GMPPB: variants seen among roughly 807,000 people sequenced by gnomAD.
GMPPB encodes mannose-1-phosphate guanylyltransferase catalytic subunit beta.
Under a neutral mutation model 40.3 loss-of-function variants are expected in GMPPB, and 38 were observed. That is an observed-to-expected ratio of 0.94 (90% CI 0.73 to 1.24). GMPPB has a LOEUF of 1.24. GMPPB is among the 50% of genes most tolerant of loss of function. The pLI is 0.00. For missense variants in GMPPB, 436 were observed against 487.1 expected, an observed-to-expected ratio of 0.90 and a Z score of 0.99; for synonymous variants, 193 against 191.8, an observed-to-expected ratio of 1.01 and a Z score of -0.05.
rs746616705 is a variant in GMPPB, at chr3:49,721,785, G to T, written c.1050C>A (p.Gly350=). 4.3e-6 allele frequency: 7 copies of T among 1,609,852 alleles called. No homozygotes were observed. Among genetic ancestry groups the T allele is most frequent in the East Asian group, 4.5e-5 (2 of 44,890 alleles). The change falls in exon 9 of 9, where the codon GGC becomes GGA. Residue 350 remains glycine (G), a synonymous_variant. Coordinates refer to ENST00000308388, the MANE Select transcript of GMPPB (RefSeq NM_021971.4). The part of the protein sequence containing the change: ...GASVLPHKSI[G]ESVPEPRIIM Reference sequence around the variant, plus strand: ...TGATACGAGGCTCTGGCACTGACTCGCCAATAGACTTGTGGGGCAGCACGC... The same window carrying T: ...TGATACGAGGCTCTGGCACTGACTCTCCAATAGACTTGTGGGGCAGCACGC...
chr3:49,721,236 A>G lies in GMPPB; in HGVS notation c.*516T>C. 6.2e-7 allele frequency: 1 copy of G among 1,614,178 alleles called. No homozygotes were observed. The highest frequency in any genetic ancestry group is 8.5e-7 in the Non-Finnish European group (1 of 1,180,026). ...ACAACAAGGACTGCTTCTTCTGCAAAACCACCATCGTGTCTGTAGAGGACT... is the reference window on the plus strand; with the variant it reads ...ACAACAAGGACTGCTTCTTCTGCAAGACCACCATCGTGTCTGTAGAGGACT... On this transcript the variant is annotated 3_prime_UTR_variant, in exon 9 of 9. Transcript: ENST00000308388.
At position 49,721,428 on chromosome 3, in the gene GMPPB, T is replaced by G; in HGVS notation, c.*324A>C. 1 of 1,321,250 alleles carries G rather than the reference T, an allele frequency of 7.6e-7. No homozygotes were observed. Among genetic ancestry groups the G allele is most frequent in the Non-Finnish European group, 1.1e-6 (1 of 915,332 alleles). The allele number at this position is 1,321,250 out of a possible 1,614,324, so 81.8% of individuals were successfully genotyped here. A position where few individuals can be genotyped will look rare whatever the true frequency, so the allele number is the denominator to read the frequency against. ...CACCACCACATCCAACCTCCTTGCC[T>G]GCCTGTATCCTCATTGGTGGGAGCC... On this transcript the variant is annotated 3_prime_UTR_variant, in exon 9 of 9. Transcript: ENST00000308388.
Position 49,723,730 on chromosome 3 carries a change from G to C in GMPPB, c.-4C>G. On this transcript the variant is annotated 5_prime_UTR_variant, in exon 1 of 9. Coordinates refer to ENST00000308388, the MANE Select transcript of GMPPB (RefSeq NM_021971.4). ...CCACTAAGATCAGTGCCTTCATCGC[G>C]CCTGCGGACGTTGAGGGGGTGTCCC... 1 of 1,583,006 alleles carries C rather than the reference G, an allele frequency of 6.3e-7. No individual in the cohort carries two copies. The highest frequency in any genetic ancestry group is 1.1e-5 in the South Asian group (1 of 87,078).
In GMPPB at chr3:49,722,162, A is replaced by G; in HGVS notation, c.769-15T>C. 1 of 1,607,196 alleles carries G rather than the reference A, an allele frequency of 6.2e-7. No individual in the cohort carries two copies. Among genetic ancestry groups the G allele is most frequent in the Non-Finnish European group, 8.5e-7 (1 of 1,175,356 alleles). ...GCACTTGGGTCCTGAGAGCGGTGGG[A>G]AAAATACAAGTGGGCCACTTGTCTC... is the stretch of plus-strand genomic sequence containing the variant. On this transcript the variant is annotated splice_polypyrimidine_tract_variant and intron_variant, in intron 7 of 8. Transcript: ENST00000308388.
Position 49,720,319 on chromosome 3 carries a change from A to T in GMPPB, c.*1433T>A. ...CAACAGAGCGAGACTCGTCTCAAGA[A>T]AAAAAAAAAAAAAACAGGCTGTGTG... On this transcript the variant is annotated 3_prime_UTR_variant, in exon 9 of 9. Coordinates refer to ENST00000308388, the MANE Select transcript of GMPPB (RefSeq NM_021971.4). The T allele has an allele frequency of 2.6e-6, 1 of 377,594 alleles. No homozygotes were observed. The highest frequency in any genetic ancestry group is 4.5e-6 in the Non-Finnish European group (1 of 224,480). The allele number at this position is 377,594 out of a possible 1,614,324, so 23.4% of individuals were successfully genotyped here.
In GMPPB at chr3:49,720,847, C is replaced by T. The variant is rs1326824670; in HGVS notation, c.*905G>A. On this transcript the variant is annotated 3_prime_UTR_variant, in exon 9 of 9. Transcript: ENST00000308388. ...TGAGCTGGCCCAAGTGGAACAGATG[C>T]TGGCGCACCTGACCTCTGCATCTGC... is the stretch of plus-strand genomic sequence containing the variant. 2.5e-6 allele frequency: 4 copies of T among 1,614,198 alleles called. No individual in the cohort carries two copies. Among genetic ancestry groups the T allele is most frequent in the Middle Eastern group, 3.3e-4 (2 of 6,062 alleles).
intron 3 of GMPPB, 39 bp downstream of exon 3, chr3:49,723,215 T>C: frequency 6.2e-7 from 1 of 1,613,274 alleles, no homozygotes; most frequent in South Asian, 1.1e-5. Flanking sequence ...TTTCCTGGCC[T>C]TAAACCCTCC....
chr3:49,721,993 A>C lies in GMPPB; in HGVS notation c.923T>G (p.Val308Gly), dbSNP rs750488885. The C allele has an allele frequency of 6.5e-6, 9 of 1,388,420 alleles. No individual in the cohort carries two copies. The South Asian group carries it at 9.1e-5, about 14-fold the overall frequency. The allele number at this position is 1,388,420 out of a possible 1,614,324, so 86.0% of individuals were successfully genotyped here. The change falls in exon 8 of 9, where the codon GTG becomes GGG. Residue 308 changes from valine to glycine, a missense_variant. Physicochemically the swap from Val to Gly is moderately radical, Grantham distance 109. Coordinates refer to ENST00000308388, the MANE Select transcript of GMPPB (RefSeq NM_021971.4). ...RSHSWLESCI[V>G]GWRCRVGQWV... ...CTGACCCACGCGGCAGCGCCAGCCC[A>C]CAATGCAGGACTCAAGCCAGGAATG...
chr3:49,721,139 G>C lies in GMPPB; in HGVS notation c.*613C>G. 1 of 1,614,092 alleles carries C rather than the reference G, an allele frequency of 6.2e-7. No individual in the cohort carries two copies. ...GCCCCACAGCTTGGTGGTGGGGAGA[G>C]CAGTAGGTACATGCAGGGCAGTCCT... On this transcript the variant is annotated 3_prime_UTR_variant, in exon 9 of 9. Coordinates refer to ENST00000308388, the MANE Select transcript of GMPPB (RefSeq NM_021971.4).
Position 49,723,114 on chromosome 3 carries a change from G to C in GMPPB, c.260C>G (p.Ala87Gly). The change falls in exon 4 of 9, where the codon GCT (alanine) becomes GGT (glycine). Residue 87 changes from alanine to glycine, a missense_variant and splice_region_variant. By Grantham distance (60) the Ala-to-Gly change is moderately conservative. Transcript: ENST00000308388. ...GTCACGGGCCAGCGCCAGGGGCCCAGCTGGGGGAAGGGGACAGGTCACCAC... is the reference window on the plus strand; with the variant it reads ...GTCACGGGCCAGCGCCAGGGGCCCACCTGGGGGAAGGGGACAGGTCACCAC... Reference protein sequence around the residue: ...MSHEEEPLGTAGPLALARDLL... With the variant: ...MSHEEEPLGTGGPLALARDLL... The C allele has an allele frequency of 6.2e-7, 1 of 1,613,930 alleles. No individual in the cohort carries two copies. Among genetic ancestry groups the C allele is most frequent in the South Asian group, 1.1e-5 (1 of 91,072 alleles).
rs2080415704 is a variant in GMPPB, at chr3:49,721,861, A to G, written c.974T>C (p.Val325Ala). 4.3e-6 allele frequency: 7 copies of G among 1,613,976 alleles called. No homozygotes were observed. The highest frequency in any genetic ancestry group is 5.9e-6 in the Non-Finnish European group (7 of 1,179,984). The stretch of plus-strand genomic sequence containing the variant: ...ATTAACTATGACGTCCTCACCCAGC[A>G]CTGTCACGTTCTCCATGCGTACCTC... ...GQWVRMENVT[V>A]LGEDVIVNDE... Residue 325 changes from valine to alanine, a missense_variant, in exon 9 of 9, where the codon GTG becomes GCG. Physicochemically the swap from Val to Ala is moderately conservative, Grantham distance 64 (BLOSUM62 0). Coordinates refer to ENST00000308388, the MANE Select transcript of GMPPB (RefSeq NM_021971.4).
rs752053591 is a variant in GMPPB at position 49,723,318 on chromosome 3, C to A, written c.211-16G>T. On this transcript the variant is annotated splice_polypyrimidine_tract_variant and intron_variant, in intron 2 of 8. Coordinates refer to ENST00000308388, the MANE Select transcript of GMPPB (RefSeq NM_021971.4). ...GGATTCCCAGCTGGAAGGAAGAGGCCCCCCCAGTCAGGTTCTACCAGGATG... is the reference window on the plus strand; with the variant it reads ...GGATTCCCAGCTGGAAGGAAGAGGCACCCCCAGTCAGGTTCTACCAGGATG... 2 of 1,614,162 alleles carry A rather than the reference C, an allele frequency of 1.2e-6. No homozygotes were observed. The highest frequency in any genetic ancestry group is 1.7e-6 in the Non-Finnish European group (2 of 1,180,014).
At chr3:49,722,550 G>A (rs774920371) in intron 5 of GMPPB, 40 bp from the exon 6 acceptor site, 1 of 1,613,314 alleles carries the variant, frequency 6.2e-7, no homozygotes, top group Non-Finnish European at 8.5e-7. Flanking sequence ...TCATGGCGGT[G>A]ATGGCCTGCC....
At position 49,721,460 on chromosome 3, in the gene GMPPB, T is replaced by C; in HGVS notation, c.*292A>G. 9.6e-7 allele frequency: 1 copy of C among 1,036,732 alleles called. No individual in the cohort carries two copies. Among genetic ancestry groups the C allele is most frequent in the Non-Finnish European group, 1.5e-6 (1 of 660,262 alleles). The allele number at this position is 1,036,732 out of a possible 1,614,324, so 64.2% of individuals were successfully genotyped here. ...ATCCTCATTGGTGGGAGCCCAGCCA[T>C]GGCCCTAATTGTGCCTGAGCTTGAC... is the stretch of plus-strand genomic sequence containing the variant. On this transcript the variant is annotated 3_prime_UTR_variant, in exon 9 of 9. Coordinates refer to ENST00000308388, the MANE Select transcript of GMPPB (RefSeq NM_021971.4).
At position 49,722,262 on chromosome 3, in the gene GMPPB, G is replaced by A. The variant is rs756662069; in HGVS notation, c.737C>T (p.Ser246Leu). The A allele has an allele frequency of 1.1e-5, 17 of 1,613,820 alleles. No homozygotes were observed. The East Asian group carries it at 2.2e-4, about 21-fold the overall frequency. The stretch of plus-strand genomic sequence containing the variant: ...CACGTTGCCCACAATGCCAGGGCCT[G>A]AGCACAGCCGCTCAGGCTGCTTCTG... ...LRQKQPERLCSGPGIVGNVLV... is the reference protein window; with the variant it reads ...LRQKQPERLCLGPGIVGNVLV... The change falls in exon 7 of 9, where the codon TCA (serine) becomes TTA (leucine). Residue 246 changes from serine (S) to leucine (L), a missense_variant. Transcript: ENST00000308388.
Position 49,722,794 on chromosome 3 carries a change from T to C in GMPPB, c.403-40A>G, listed in dbSNP as rs541060793. On this transcript the variant is annotated intron_variant, in intron 4 of 8. Transcript: ENST00000308388. Reference sequence around the variant, plus strand: ...GGGGACCTCGGACCTAGTCCAGTGTTCCTAAGCCTTGATACACATGCCGTT... The same window carrying C: ...GGGGACCTCGGACCTAGTCCAGTGTCCCTAAGCCTTGATACACATGCCGTT... 233 of 1,588,232 alleles carry C rather than the reference T, an allele frequency of 1.5e-4. 2 individuals carry two copies. In the South Asian group the frequency reaches 2.5e-3, roughly 17 times the overall value.
At position 49,721,134 on chromosome 3, in the gene GMPPB, G is replaced by A. The variant is rs1051735400; in HGVS notation, c.*618C>T. 3 of 1,613,926 alleles carry A rather than the reference G, an allele frequency of 1.9e-6. No individual in the cohort carries two copies. The highest frequency in any genetic ancestry group is 2.5e-6 in the Non-Finnish European group (3 of 1,179,926). ...AGTGGGCCCCACAGCTTGGTGGTGG[G>A]GAGAGCAGTAGGTACATGCAGGGCA... On this transcript the variant is annotated 3_prime_UTR_variant, in exon 9 of 9. Coordinates refer to ENST00000308388, the MANE Select transcript of GMPPB (RefSeq NM_021971.4).
At position 49,720,545 on chromosome 3, in the gene GMPPB, C is replaced by T. The variant is rs764684335; in HGVS notation, c.*1207G>A. The T allele has an allele frequency of 3.7e-6, 6 of 1,608,578 alleles. No homozygotes were observed. Among genetic ancestry groups the T allele is most frequent in the South Asian group, 1.1e-5 (1 of 90,496 alleles). Reference sequence around the variant, plus strand: ...AGCCACATCAGTGCTCCTGGCAGATCCCTGCTTCCAGCTACGCTCAATATG... The same window carrying T: ...AGCCACATCAGTGCTCCTGGCAGATTCCTGCTTCCAGCTACGCTCAATATG... On this transcript the variant is annotated 3_prime_UTR_variant, in exon 9 of 9. Transcript: ENST00000308388.
At chr3:49,723,570 C>T (rs959211562) in intron 1 of GMPPB, 28 bp downstream of exon 1, 13 of 1,605,240 alleles carry the variant, frequency 8.1e-6, no homozygotes, top group Non-Finnish European at 7.7e-6. Context: ...GATCCGAACG[C>T]GACTCTGATC....
Sources: allele counts gnomAD v4.1 joint callset, GRCh38; gene constraint gnomAD v4.1.1; transcripts MANE v1.5; gene names NCBI Gene and HGNC (gene_info 2026-07-23, HGNC 2026-07-21).